The following USP47 variants were observed in gnomAD, a reference collection of about 807,000 sequenced individuals.
The protein encoded by USP47 is ubiquitin specific peptidase 47.
In USP47, 35 loss-of-function variants were observed where a neutral mutation model predicts 165.1. The ratio of observed to expected loss-of-function variants is 0.21; its 90% CI spans 0.16 to 0.28. The LOEUF is 0.28. Among genes scored for constraint, USP47 ranks in the 10% least tolerant of loss-of-function variants. USP47 has a pLI of 1.00. For missense variants in USP47, 1,277 were observed against 1,607.4 expected (o/e 0.79, Z 3.52); for synonymous variants, 531 against 544.5 (o/e 0.98, Z 0.35).
intron 5 of USP47, among the ~76,000 whole-genome samples, chr11:11,902,185 A>G (rs146692015): frequency 1.2e-3 from 176 of 152,308 alleles, no homozygotes; most frequent in African/African-American, 4.0e-3. Flanking sequence ...ATCAAGATCC[A>G]TATGAGCTGT....
Position 11,959,281 on chromosome 11 carries a change from A to C in USP47, c.*3106A>C, listed in dbSNP as rs1473668424. 1 of 152,250 alleles carries C rather than the reference A, an allele frequency of 6.6e-6. No individual in the cohort carries two copies. The highest frequency in any genetic ancestry group is 1.5e-5 in the Non-Finnish European group (1 of 68,042). 9.4% of individuals were successfully genotyped at this position (152,250 alleles called of 1,614,324 possible). ...ATTACGTGGACTAGAGGATACTCTG[A>C]ATTAGCAAGTTTTTTGTTTGCTGAA... On this transcript the variant is annotated 3_prime_UTR_variant, in exon 28 of 28. Transcript: ENST00000527733.
chr11:11,898,311 C>T (rs1423586490), intron 5 of USP47, among the ~76,000 whole-genome samples: 1 of 151,984 alleles, frequency 6.6e-6, no homozygotes, highest in Non-Finnish European at 1.5e-5. Flanking sequence ...TTAAGATAAA[C>T]ACATAATTTT....
At chr11:11,873,736 C>T in intron 1 of USP47, 1 of 964,904 alleles carries the variant, frequency 1.0e-6, no homozygotes, top group Non-Finnish European at 1.4e-6. Flanking sequence ...GTTCTCATTT[C>T]ACTGTCTTTT....
rs879556356 is a variant in USP47 at position 11,841,990 on chromosome 11, A to AGCGGCGGCGGCGGCGGCG, written c.-194_-177dup. 5.9e-6 allele frequency: 3 copies of AGCGGCGGCGGCGGCGGCG among 512,722 alleles called. No individual in the cohort carries two copies. In the African/African-American group the frequency reaches 6.1e-5, roughly 10 times the overall value. 31.8% of individuals were successfully genotyped at this position (512,722 alleles called of 1,614,324 possible). A position where few individuals can be genotyped will look rare whatever the true frequency, so the allele number is the denominator to read the frequency against. On this transcript the variant is annotated 5_prime_UTR_variant, in exon 1 of 28. Coordinates refer to ENST00000527733, the MANE Select transcript of USP47 (RefSeq NM_001282659.2). ...GGCCGACGACGAAGGCGGCTGTGGT[A>AGCGGCGGCGGCGGCGGCG]GCGGCGGCGGCGGCGGCGGAGCCCT...
chr11:11,891,519 C>G (rs930254568), intron 3 of USP47, among the ~76,000 whole-genome samples: 1 of 152,186 alleles, frequency 6.6e-6, no homozygotes, highest in Non-Finnish European at 1.5e-5. Flanking sequence ...ATTCACAGTT[C>G]AGGGATTCAT....
At chr11:11,877,850 TGTGTGTGTGC>T (rs753509060) in intron 1 of USP47, among the ~76,000 whole-genome samples, 17,552 of 78,484 alleles carry the variant, frequency 0.22, 1,300 homozygotes, top group Admixed American at 0.35. Flanking sequence ...TGTGTGTGTG[TGTGTGTGTGC>T]GCGCGCGCAG....
intron 24 of USP47, chr11:11,951,893 T>G (rs1283503530): frequency 6.6e-6 from 1 of 152,248 alleles, no homozygotes; most frequent in East Asian, 1.9e-4. Flanking sequence ...GAAGAGATCA[T>G]AAATGACAAA....
At chr11:11,922,549 G>T (rs1027244163) in intron 10 of USP47, among the ~76,000 whole-genome samples, 175 bp from the exon 11 acceptor site, 6 of 151,856 alleles carry the variant, frequency 4.0e-5, no homozygotes, top group African/African-American at 1.4e-4. Context: ...ACTGTTGCTT[G>T]TTTAATTTTA....
At chr11:11,896,888 T>G (rs1015097269) in intron 4 of USP47, among the ~76,000 whole-genome samples, 1 of 152,094 alleles carries the variant, frequency 6.6e-6, no homozygotes, top group Non-Finnish European at 1.5e-5. Context: ...AGCTTGAACC[T>G]TAGTACAAAG....
intron 8 of USP47, among the ~76,000 whole-genome samples, chr11:11,917,793 C>A (rs1207231059): frequency 6.6e-6 from 1 of 152,124 alleles, no homozygotes; most frequent in African/African-American, 2.4e-5. Context: ...ACCTAACACA[C>A]ACAGTAATTA....
intron 5 of USP47, 141 bp downstream of exon 5, chr11:11,897,834 T>G: frequency 5.3e-6 from 3 of 569,384 alleles, no homozygotes; most frequent in East Asian, 2.9e-5. Context: ...CCTTACGTAA[T>G]AACAAAGATC....
intron 7 of USP47, among the ~76,000 whole-genome samples, chr11:11,904,052 G>A (rs1041443975): frequency 1.2e-4 from 18 of 152,140 alleles, no homozygotes; most frequent in Admixed American, 9.8e-4. Context: ...TATAAAATCA[G>A]TTTATTGGGC....
intron 17 of USP47, 45 bp from the exon 18 acceptor site, chr11:11,938,212 A>G: frequency 6.5e-7 from 1 of 1,549,862 alleles, no homozygotes; most frequent in East Asian, 2.3e-5. Context: ...GAAATACATT[A>G]AAAAATAACC....
At chr11:11,844,702 G>A (rs1848328832) in intron 1 of USP47, among the ~76,000 whole-genome samples, 1 of 151,950 alleles carries the variant, frequency 6.6e-6, no homozygotes. Flanking sequence ...TATTTTAATG[G>A]CTTATTATCA....
At chr11:11,920,292 AAT>A in intron 9 of USP47, 41 bp downstream of exon 9, 1 of 1,606,050 alleles carries the variant, frequency 6.2e-7, no homozygotes, top group Non-Finnish European at 8.5e-7. Flanking sequence ...AATCTGAGAT[AAT>A]ATTCCATATT....
intron 1 of USP47, among the ~76,000 whole-genome samples, chr11:11,868,183 A>G (rs1849804936): frequency 6.6e-6 from 1 of 152,218 alleles, no homozygotes; most frequent in African/African-American, 2.4e-5. Flanking sequence ...ATGGACTATA[A>G]TACACTATCA....
In USP47 at chr11:11,960,024, CTG is replaced by C. The variant is rs531451805; in HGVS notation, c.*3852_*3853del. 3.3e-5 allele frequency among the ~76,000 whole-genome samples: 5 copies of C among 152,068 alleles called. No homozygotes were observed. The highest frequency in any genetic ancestry group is 5.9e-5 in the Non-Finnish European group (4 of 67,996). On this transcript the variant is annotated 3_prime_UTR_variant, in exon 28 of 28. Coordinates refer to ENST00000527733, the MANE Select transcript of USP47 (RefSeq NM_001282659.2). ...CTCAATGCTTACATTTTTTTCATAA[CTG>C]TGCCAATTGTTTTGTCAAATGCAGT...
At position 11,933,852 on chromosome 11, in the gene USP47, C is replaced by T. The variant is rs748869099; in HGVS notation, c.1786C>T (p.Pro596Ser). Residue 596 changes from proline to serine, a missense_variant, in exon 16 of 28, where the codon CCT becomes TCT. Transcript: ENST00000527733. The stretch of plus-strand genomic sequence containing the variant: ...CTAGATAAAATTATTCTGTTTGCAT[C>T]CTACAAAACAAGTAATGATGGAAAA... ...TCKIKLFCLH[P>S]TKQVMMENKL... 16 of 1,607,552 alleles carry T rather than the reference C, an allele frequency of 1.0e-5. No homozygotes were observed. Among genetic ancestry groups the T allele is most frequent in the Non-Finnish European group, 1.4e-5 (16 of 1,175,564 alleles).
chr11:11,950,337 G>T, intron 23 of USP47, 27 bp from the exon 24 acceptor site: 4 of 1,446,006 alleles, frequency 2.8e-6, no homozygotes, highest in South Asian at 2.6e-5. Context: ...AATTATAGTC[G>T]TTTTAAATGT....
Sources: allele counts gnomAD v4.1 joint callset (sites outside exome capture counted in the v4.1 genomes callset), GRCh38; gene constraint gnomAD v4.1.1; transcripts MANE v1.5; gene names NCBI Gene and HGNC (gene_info 2026-07-23, HGNC 2026-07-21).